Variants in MDGA2 observed in about 807,000 individuals in gnomAD.
The protein encoded by MDGA2 is MAM domain containing glycosylphosphatidylinositol anchor 2.
MDGA2 carries 40 observed loss-of-function variants against 117.8 expected under a neutral mutation model. That is an observed-to-expected ratio of 0.34 (90% CI 0.26 to 0.44). The LOEUF (loss-of-function observed/expected upper bound fraction) is 0.44. Among genes scored for constraint, MDGA2 ranks in the 20% least tolerant of loss-of-function variants. The pLI, the probability that MDGA2 is intolerant of heterozygous loss-of-function variation, is 1.00. For missense variants in MDGA2, 1,123 were observed against 1,250.6 expected (o/e 0.90, Z 1.54); for synonymous variants, 452 against 439.0 (o/e 1.03, Z -0.37).
chr14:47,358,563 C>T (rs961796781), intron 1 of MDGA2, among the ~76,000 whole-genome samples: 1 of 152,056 alleles, frequency 6.6e-6, no homozygotes, highest in African/African-American at 2.4e-5. Flanking sequence ...ACGTAGAAAA[C>T]CCTAAAGACA....
chr14:47,175,134 C>A (rs369376290), intron 3 of MDGA2, among the ~76,000 whole-genome samples: 22 of 151,542 alleles, frequency 1.5e-4, no homozygotes, highest in South Asian at 6.2e-4. Context: ...CAATAACAGG[C>A]TCTGAAATTG....
At chr14:46,969,590 T>C (rs1387607061) in intron 8 of MDGA2, among the ~76,000 whole-genome samples, 1 of 152,116 alleles carries the variant, frequency 6.6e-6, no homozygotes, top group Non-Finnish European at 1.5e-5. Context: ...CACTTGTTGA[T>C]GGGGTTGTTT....
intron 8 of MDGA2, among the ~76,000 whole-genome samples, chr14:47,019,813 G>C (rs976138995): frequency 1.4e-4 from 21 of 150,396 alleles, no homozygotes; most frequent in Non-Finnish European, 2.5e-4. Context: ...CACTCCAGCC[G>C]GGGCGACAGA....
chr14:47,246,802 A>AACACACACACATACACACACACACAC (rs1887252112), intron 2 of MDGA2, among the ~76,000 whole-genome samples: 1 of 141,760 alleles, frequency 7.1e-6, no homozygotes, highest in African/African-American at 2.7e-5. Flanking sequence ...CAGGTAATGA[A>AACACACACACATACACACACACACAC]ACACACACAC....
In MDGA2 at chr14:46,876,710, A is replaced by C. The variant is rs140281997; in HGVS notation, c.2437+779T>G. ...AATATGATGAAAAAACAAAACAAAA[A>C]AAAACTCAGGAACAAGAATCCTGAT... On this transcript the variant is annotated intron_variant, in intron 12 of 16. Transcript: ENST00000399232. Among the ~76,000 whole-genome samples the C allele has an allele frequency of 3.2e-4, 49 of 151,480 alleles. 1 individual carries two copies. Among genetic ancestry groups the C allele is most frequent in the East Asian group, 1.2e-3 (6 of 5,168 alleles).
At chr14:47,066,496 C>G (rs575280122) in intron 6 of MDGA2, among the ~76,000 whole-genome samples, 5 of 152,116 alleles carry the variant, frequency 3.3e-5, no homozygotes, top group African/African-American at 9.7e-5. Flanking sequence ...GAACAAACAG[C>G]ATCAACATGG....
intron 3 of MDGA2, among the ~76,000 whole-genome samples, chr14:47,195,492 TG>T (rs1885257203): frequency 6.6e-6 from 1 of 152,010 alleles, no homozygotes; most frequent in African/African-American, 2.4e-5. Context: ...CATGGGAAAA[TG>T]ATAAATAATT....
At chr14:47,636,784 CAAAAAAAAAAAAA>C (rs56313968) in intron 1 of MDGA2, among the ~76,000 whole-genome samples, 32 of 46,002 alleles carry the variant, frequency 7.0e-4, no homozygotes, top group East Asian at 3.9e-3. Flanking sequence ...GACTCCGTCT[CAAAAAAAAAAAAA>C]AAAAAAAAAA....
intron 1 of MDGA2, among the ~76,000 whole-genome samples, chr14:47,411,915 T>C (rs1230208071): frequency 6.6e-6 from 1 of 152,170 alleles, no homozygotes; most frequent in Non-Finnish European, 1.5e-5. Context: ...TTGCAAATAT[T>C]AACAATTCAC....
chr14:46,965,454 G>A (rs545665434), intron 8 of MDGA2, among the ~76,000 whole-genome samples: 1 of 152,264 alleles, frequency 6.6e-6, no homozygotes, highest in Admixed American at 6.5e-5. Flanking sequence ...AATAGAGTCT[G>A]AGTTGCAAAG....
intron 5 of MDGA2, among the ~76,000 whole-genome samples, chr14:47,107,766 C>T: frequency 6.6e-6 from 1 of 150,790 alleles, no homozygotes; most frequent in Non-Finnish European, 1.5e-5. Flanking sequence ...AGGACCACAC[C>T]CTGTAGCCTT....
intron 1 of MDGA2, among the ~76,000 whole-genome samples, chr14:47,658,118 A>G (rs942013302): frequency 1.1e-4 from 16 of 152,238 alleles, no homozygotes; most frequent in African/African-American, 3.8e-4. Flanking sequence ...GACAGTTGTC[A>G]CCTGTTTATT....
At chr14:47,360,943 T>C (rs1399291869) in intron 1 of MDGA2, among the ~76,000 whole-genome samples, 2 of 151,788 alleles carry the variant, frequency 1.3e-5, no homozygotes, top group Non-Finnish European at 2.9e-5. Context: ...ATGGGGGAAA[T>C]GGGAAGATGT....
Position 47,514,210 on chromosome 14 carries a change from C to T in MDGA2, c.280+160307G>A, listed in dbSNP as rs538628847. Reference sequence around the variant, plus strand: ...ACTAGCTGCAGTTGAAGAGAAAACTCCACTTGGCATATTTTTTTTTCTCCT... The same window carrying T: ...ACTAGCTGCAGTTGAAGAGAAAACTTCACTTGGCATATTTTTTTTTCTCCT... On this transcript the variant is annotated intron_variant, in intron 1 of 16. Coordinates refer to ENST00000399232, the MANE Select transcript of MDGA2 (RefSeq NM_001113498.3). Among the ~76,000 whole-genome samples the T allele has an allele frequency of 1.1e-3, 170 of 152,146 alleles. 2 individuals are homozygous for T. Among genetic ancestry groups the T allele is most frequent in the Middle Eastern group, 3.4e-3 (1 of 294 alleles).
chr14:47,321,719 C>T (rs570636482), intron 1 of MDGA2, among the ~76,000 whole-genome samples: 19 of 152,228 alleles, frequency 1.2e-4, no homozygotes, highest in East Asian at 3.9e-4. Context: ...AAGTTAAAGA[C>T]GCTTACAAAC....
chr14:46,953,546 A>G (rs1214521864), intron 9 of MDGA2, among the ~76,000 whole-genome samples: 1 of 152,020 alleles, frequency 6.6e-6, no homozygotes, highest in Non-Finnish European at 1.5e-5. Flanking sequence ...TAATAAATGC[A>G]TATGCTTAGA....
At chr14:46,893,167 A>G (rs1288154115) in intron 10 of MDGA2, among the ~76,000 whole-genome samples, 6 of 151,982 alleles carry the variant, frequency 3.9e-5, no homozygotes, top group Non-Finnish European at 4.4e-5. Context: ...ACCCAGCTTT[A>G]AAAAAACAAG....
chr14:46,900,786 A>T (rs1883254524), intron 10 of MDGA2, among the ~76,000 whole-genome samples: 1 of 152,154 alleles, frequency 6.6e-6, no homozygotes, highest in Admixed American at 6.6e-5. Context: ...AAAGCTACGC[A>T]CATGCAAACA....
intron 8 of MDGA2, among the ~76,000 whole-genome samples, chr14:47,013,336 T>C (rs187181769): frequency 6.6e-6 from 1 of 152,274 alleles, no homozygotes; most frequent in African/African-American, 2.4e-5. Flanking sequence ...TTTCTTTGCT[T>C]ATCCACAAGA....
Sources: allele counts gnomAD v4.1 joint callset (sites outside exome capture counted in the v4.1 genomes callset), GRCh38; gene constraint gnomAD v4.1.1; transcripts MANE v1.5; gene names NCBI Gene and HGNC (gene_info 2026-07-23, HGNC 2026-07-21).